The following LSAMP variants were observed in gnomAD, a reference collection of about 807,000 sequenced individuals.
LSAMP encodes limbic system-associated membrane protein.
A neutral mutation model predicts 38.6 loss-of-function variants in LSAMP; 7 were observed. That is an observed-to-expected ratio of 0.18 (90% CI 0.10 to 0.34). LSAMP has a LOEUF of 0.34. Ranked by LOEUF, LSAMP falls within the 10% of genes least tolerant of loss-of-function variation. LSAMP has a pLI of 1.00. For missense variants in LSAMP, 313 were observed against 420.0 expected, an observed-to-expected ratio of 0.75 and a Z score of 2.23; for synonymous variants, 154 against 166.8, an observed-to-expected ratio of 0.92 and a Z score of 0.59.
chr3:115,816,021 C>G (rs539829009), intron 6 of LSAMP, among the ~76,000 whole-genome samples: 3 of 152,090 alleles, frequency 2.0e-5, no homozygotes, highest in South Asian at 2.1e-4. Context: ...CTCTGAGACT[C>G]AGAGAGGAAG....
intron 1 of LSAMP, among the ~76,000 whole-genome samples, chr3:116,156,520 A>T (rs1454686841): frequency 6.6e-6 from 1 of 152,136 alleles, no homozygotes; most frequent in Non-Finnish European, 1.5e-5. Flanking sequence ...AGAAAGTGTG[A>T]TGTGATGGTG....
intron 1 of LSAMP, among the ~76,000 whole-genome samples, chr3:116,284,973 T>C (rs955981206): frequency 2.0e-5 from 3 of 152,212 alleles, no homozygotes; most frequent in African/African-American, 7.2e-5. Flanking sequence ...CATCTTTGCA[T>C]TGTGGTGAAG....
chr3:116,158,543 T>C (rs1434531928), intron 1 of LSAMP, among the ~76,000 whole-genome samples: 6 of 152,276 alleles, frequency 3.9e-5, no homozygotes, highest in African/African-American at 1.4e-4. Flanking sequence ...GTAGCATTTA[T>C]ATACACCAAC....
intron 2 of LSAMP, among the ~76,000 whole-genome samples, chr3:116,069,868 C>A (rs1336776353): frequency 6.6e-6 from 1 of 152,060 alleles, no homozygotes; most frequent in Non-Finnish European, 1.5e-5. Context: ...AAGGGAAACG[C>A]TGGCAATGAA....
rs576824823 is a variant in LSAMP, at chr3:115,868,978, A to C, written c.515-16361T>G. On this transcript the variant is annotated intron_variant, in intron 3 of 6. Coordinates refer to ENST00000490035, the MANE Select transcript of LSAMP (RefSeq NM_002338.5). ...TGTCTTTTATAAATCAGGAAAAAAA[A>C]CCCATATTTTATCCTAGTGACAAAG... Among the ~76,000 whole-genome samples, 524 of 150,936 alleles carry C rather than the reference A, an allele frequency of 3.5e-3. 2 individuals are homozygous for C. The highest frequency in any genetic ancestry group is 6.8e-3 in the Middle Eastern group (2 of 292).
intron 3 of LSAMP, among the ~76,000 whole-genome samples, chr3:115,952,838 C>A (rs931599681): frequency 6.6e-6 from 1 of 151,924 alleles, no homozygotes; most frequent in Non-Finnish European, 1.5e-5. Flanking sequence ...AAGTAAAGAA[C>A]AACAGGAAAA....
At chr3:115,967,740 C>G (rs1272116770) in intron 3 of LSAMP, among the ~76,000 whole-genome samples, 6 of 152,076 alleles carry the variant, frequency 3.9e-5, no homozygotes, top group South Asian at 4.1e-4. Context: ...AAAGAGAGAG[C>G]CTGTGTAGGG....
chr3:116,169,739 A>G (rs1353643802), intron 1 of LSAMP, among the ~76,000 whole-genome samples: 1 of 152,234 alleles, frequency 6.6e-6, no homozygotes, highest in Non-Finnish European at 1.5e-5. Flanking sequence ...CATTCTTTGT[A>G]GAAACAGAAG....
At chr3:115,831,704 G>A (rs149454898) in intron 6 of LSAMP, among the ~76,000 whole-genome samples, 1 of 152,284 alleles carries the variant, frequency 6.6e-6, no homozygotes, top group East Asian at 1.9e-4. Context: ...AATATAGTAG[G>A]AGGTATTTAT....
At chr3:116,288,316 A>G (rs971097824) in intron 1 of LSAMP, among the ~76,000 whole-genome samples, 1 of 152,208 alleles carries the variant, frequency 6.6e-6, no homozygotes, top group African/African-American at 2.4e-5. Flanking sequence ...GGATTCTCAA[A>G]GAAAAGACAG....
Position 115,854,276 on chromosome 3 carries a change from ATTATTATTTTT to A in LSAMP, c.515-1670_515-1660del, listed in dbSNP as rs1449042924. Among the ~76,000 whole-genome samples, 190 of 119,584 alleles carry A rather than the reference ATTATTATTTTT, an allele frequency of 1.6e-3. 1 individual carries two copies. The highest frequency in any genetic ancestry group is 5.5e-3 in the African/African-American group (165 of 29,940). The allele number at this position is 119,584 out of a possible 152,430, so 78.5% of individuals were successfully genotyped here. On this transcript the variant is annotated intron_variant, in intron 3 of 6. Coordinates refer to ENST00000490035, the MANE Select transcript of LSAMP (RefSeq NM_002338.5). The stretch of plus-strand genomic sequence containing the variant: ...TATTATTATTATTATTATTATTATT[ATTATTATTTTT>A]TTTTTTTTTTTTTGAGATGGAGTCC...
intron 3 of LSAMP, among the ~76,000 whole-genome samples, chr3:115,951,513 C>T (rs144211631): frequency 1.3e-5 from 2 of 152,240 alleles, no homozygotes; most frequent in Non-Finnish European, 2.9e-5. Context: ...AGTATTGATC[C>T]TGGTGTGTCT....
chr3:116,367,495 CTTTTTTT>C (rs751600891), intron 1 of LSAMP, among the ~76,000 whole-genome samples: 2 of 133,354 alleles, frequency 1.5e-5, no homozygotes, highest in East Asian at 4.2e-4. Context: ...TATTTTCTTC[CTTTTTTT>C]TTTTTTTTTG....
At chr3:115,986,674 G>C (rs1939518119) in intron 3 of LSAMP, among the ~76,000 whole-genome samples, 1 of 151,402 alleles carries the variant, frequency 6.6e-6, no homozygotes, top group African/African-American at 2.4e-5. Context: ...CTAGATGGCA[G>C]ATCCAGGAGC....
chr3:116,094,391 T>C (rs149237415), intron 1 of LSAMP, among the ~76,000 whole-genome samples: 1 of 152,230 alleles, frequency 6.6e-6, no homozygotes, highest in Admixed American at 6.5e-5. Flanking sequence ...CTTGTGCATG[T>C]CTGTTCTCCT....
intron 3 of LSAMP, among the ~76,000 whole-genome samples, chr3:115,888,228 C>T (rs1936506505): frequency 6.6e-6 from 1 of 151,948 alleles, no homozygotes; most frequent in Admixed American, 6.6e-5. Context: ...AATACCACCA[C>T]AAGACTAAAA....
chr3:116,420,856 GAC>G (rs1271597018), intron 1 of LSAMP, among the ~76,000 whole-genome samples: 2 of 152,168 alleles, frequency 1.3e-5, no homozygotes, highest in Non-Finnish European at 1.5e-5. Flanking sequence ...TAGCATGGGT[GAC>G]AGAGAGAGAC....
At chr3:116,162,770 C>T (rs1243310062) in intron 1 of LSAMP, among the ~76,000 whole-genome samples, 3 of 81,518 alleles carry the variant, frequency 3.7e-5, no homozygotes, top group African/African-American at 1.4e-4. Context: ...CACACTTATA[C>T]ACACACACAC....
At chr3:116,203,213 T>G (rs912909543) in intron 1 of LSAMP, among the ~76,000 whole-genome samples, 1 of 152,300 alleles carries the variant, frequency 6.6e-6, no homozygotes, top group East Asian at 1.9e-4. Flanking sequence ...CGCAAGGCAA[T>G]ATTTAATTTC....
Sources: gnomAD v4.1 joint callset for allele counts (sites outside exome capture counted in the v4.1 genomes callset) on GRCh38, gnomAD v4.1.1 for gene constraint, MANE v1.5 for transcripts, NCBI Gene and HGNC (gene_info 2026-07-23, HGNC 2026-07-21) for gene names.